The following SPSB1 variants were observed in gnomAD, a reference collection of about 807,000 sequenced individuals.
The protein encoded by SPSB1 is splA/ryanodine receptor domain and SOCS box containing 1.
In SPSB1, 8 loss-of-function variants were observed where a neutral mutation model predicts 21.2. The ratio of observed to expected loss-of-function variants is 0.38; its 90% CI spans 0.22 to 0.68. The LOEUF (loss-of-function observed/expected upper bound fraction) is 0.68. Among genes scored for constraint, SPSB1 ranks in the 30% least tolerant of loss-of-function variants. The pLI is 0.53. For synonymous variants in SPSB1, 169 were observed against 161.7 expected (o/e 1.05, Z -0.34); for missense variants, 242 against 377.8 (o/e 0.64, Z 2.98).
intron 1 of SPSB1, among the ~76,000 whole-genome samples, chr1:9,326,580 G>A (rs1639819759): frequency 6.6e-6 from 1 of 152,204 alleles, no homozygotes; most frequent in African/African-American, 2.4e-5. Context: ...AGTGGGACAT[G>A]GGGTGTGAGT....
Position 9,293,800 on chromosome 1 carries a change from C to T in SPSB1, c.-150+729C>T, listed in dbSNP as rs1639161502. 6.6e-6 allele frequency among the ~76,000 whole-genome samples: 1 copy of T among 152,170 alleles called. No individual in the cohort carries two copies. Among genetic ancestry groups the T allele is most frequent in the Non-Finnish European group, 1.5e-5 (1 of 68,024 alleles). On this transcript the variant is annotated intron_variant, in intron 1 of 2. Transcript: ENST00000328089. This position sits in a 1 kb window ranked among gnomAD's most constrained non-coding sequence, Gnocchi z 5.1. ...CCAGGTTCCGGTGAGGACGGGACGG[C>T]CCCGAGAGGAGGGTGCGGGTCTGCA...
In SPSB1 at chr1:9,319,011, A is replaced by G. The variant is rs572499242; in HGVS notation, c.-150+25940A>G. ...GGGCAACATGGCGAAACCTGTCTCTACTAAAAATACAAAAAAATTAGCCGG... is the reference window on the plus strand; with the variant it reads ...GGGCAACATGGCGAAACCTGTCTCTGCTAAAAATACAAAAAAATTAGCCGG... On this transcript the variant is annotated intron_variant, in intron 1 of 2. Transcript: ENST00000328089. 4.3e-3 allele frequency among the ~76,000 whole-genome samples: 656 copies of G among 151,612 alleles called. 3 individuals carry two copies. The highest frequency in any genetic ancestry group is 7.9e-3 in the Non-Finnish European group (538 of 67,912).
chr1:9,295,719 C>G (rs528888286), intron 1 of SPSB1, among the ~76,000 whole-genome samples: 68 of 152,346 alleles, frequency 4.5e-4, no homozygotes, highest in African/African-American at 1.5e-3. Flanking sequence ...CTGCACCTGC[C>G]CCTCCTCCTG....
At chr1:9,295,838 A>C (rs2075973) in intron 1 of SPSB1, among the ~76,000 whole-genome samples, 33,796 of 152,086 alleles carry the variant, frequency 0.22, 4,655 homozygotes, top group East Asian at 0.58. Flanking sequence ...TTCTCGAGAA[A>C]TAGGTTGTAG....
rs1200695867 is a variant in SPSB1, at chr1:9,368,090, C to T, written c.*515C>T. ...GATAAAGCTCAGGACGTCAAAAACT[C>T]ACCATGGACCCCAAGGCAGAAACCA... On this transcript the variant is annotated 3_prime_UTR_variant, in exon 3 of 3. Transcript: ENST00000328089. 1.9e-5 allele frequency: 3 copies of T among 161,024 alleles called. No homozygotes were observed. Among genetic ancestry groups the T allele is most frequent in the Admixed American group, 5.7e-5 (1 of 17,650 alleles). 10.0% of individuals were successfully genotyped at this position (161,024 alleles called of 1,614,324 possible). A position where few individuals can be genotyped will look rare whatever the true frequency, so the allele number is the denominator to read the frequency against.
intron 1 of SPSB1, among the ~76,000 whole-genome samples, chr1:9,334,941 T>G (rs1446060491): frequency 6.6e-6 from 1 of 152,228 alleles, no homozygotes; most frequent in African/African-American, 2.4e-5. Context: ...TCTTTGTTCA[T>G]CTGTCCGTGG....
At chr1:9,323,835 C>T (rs766227680) in intron 1 of SPSB1, among the ~76,000 whole-genome samples, 1 of 152,212 alleles carries the variant, frequency 6.6e-6, no homozygotes, top group Non-Finnish European at 1.5e-5. Flanking sequence ...TGCCCACGGA[C>T]GGCAGGGGCT....
chr1:9,308,578 T>C (rs1269840502), intron 1 of SPSB1, among the ~76,000 whole-genome samples: 3 of 152,202 alleles, frequency 2.0e-5, no homozygotes, highest in Non-Finnish European at 4.4e-5. Flanking sequence ...CCATCTGCTG[T>C]GAGTGTGATT....
chr1:9,298,136 T>C lies in SPSB1; in HGVS notation c.-150+5065T>C, dbSNP rs571503976. On this transcript the variant is annotated intron_variant, in intron 1 of 2. Transcript: ENST00000328089. ...GTCTGACTTGTGTGGATCTATGGCATTGGATAGTTAATCATGGTGTTCCTA... is the reference window on the plus strand; with the variant it reads ...GTCTGACTTGTGTGGATCTATGGCACTGGATAGTTAATCATGGTGTTCCTA... Among the ~76,000 whole-genome samples the C allele has an allele frequency of 2.6e-5, 4 of 152,278 alleles. No homozygotes were observed. The East Asian group carries it at 7.7e-4, about 29-fold the overall frequency.
chr1:9,354,584 G>A (rs1156349795), intron 1 of SPSB1, among the ~76,000 whole-genome samples: 2 of 152,036 alleles, frequency 1.3e-5, no homozygotes, highest in African/African-American at 4.8e-5. Flanking sequence ...AGGCCAAGCC[G>A]GGTGGATCAC....
chr1:9,320,443 C>T (rs1639700164), intron 1 of SPSB1, among the ~76,000 whole-genome samples: 1 of 152,142 alleles, frequency 6.6e-6, no homozygotes, highest in Non-Finnish European at 1.5e-5. Flanking sequence ...GCCCCATCTC[C>T]GCCATTTGAT....
intron 1 of SPSB1, among the ~76,000 whole-genome samples, chr1:9,329,705 A>C (rs915530655): frequency 2.2e-5 from 2 of 89,854 alleles, no homozygotes; most frequent in African/African-American, 1.6e-4. Flanking sequence ...AAACAACAAC[A>C]AAAAAAAAAA....
intron 1 of SPSB1, among the ~76,000 whole-genome samples, chr1:9,302,910 T>C (rs772666835): frequency 6.6e-6 from 1 of 152,064 alleles, no homozygotes; most frequent in Non-Finnish European, 1.5e-5. Flanking sequence ...GCTAGCGAAA[T>C]TGTTGCTTCC....
intron 1 of SPSB1, among the ~76,000 whole-genome samples, chr1:9,334,064 C>T (rs1639966542): frequency 6.6e-6 from 1 of 152,192 alleles, no homozygotes; most frequent in Admixed American, 6.5e-5. Flanking sequence ...GTAGCAAATA[C>T]ATATAACATA....
intron 1 of SPSB1, among the ~76,000 whole-genome samples, chr1:9,335,156 TA>T (rs148038986): frequency 0.071 from 10,804 of 152,206 alleles, 456 homozygotes; most frequent in South Asian, 0.16. Flanking sequence ...CACCATTTTG[TA>T]AAATGGTGCA....
chr1:9,356,452 T>G lies in SPSB1; in HGVS notation c.561T>G (p.Thr187=). 1 of 1,614,120 alleles carries G rather than the reference T, an allele frequency of 6.2e-7. No homozygotes were observed. Among genetic ancestry groups the G allele is most frequent in the Non-Finnish European group, 8.5e-7 (1 of 1,180,040 alleles). The change falls in exon 2 of 3, where the codon ACT becomes ACG. Residue 187 remains threonine (T), a synonymous_variant. Transcript: ENST00000328089. The surrounding 1 kb of genome is among the most constrained non-coding windows in gnomAD (Gnocchi z 7.4). The stretch of plus-strand genomic sequence containing the variant: ...TAGCCCTGGACATGGACGACGGGAC[T>G]CTGAGCTTCATTGTGGATGGACAGT... The part of the protein sequence containing the change: ...FLVALDMDDG[T]LSFIVDGQYM...
At chr1:9,295,521 C>T (rs1022066315) in intron 1 of SPSB1, among the ~76,000 whole-genome samples, 3 of 152,188 alleles carry the variant, frequency 2.0e-5, no homozygotes, top group Non-Finnish European at 4.4e-5. Flanking sequence ...GAGGCCGTTT[C>T]TTGGGCTGCT....
At chr1:9,312,460 G>A (rs1441755557) in intron 1 of SPSB1, among the ~76,000 whole-genome samples, 2 of 152,132 alleles carry the variant, frequency 1.3e-5, no homozygotes, top group Non-Finnish European at 2.9e-5. Context: ...TTCGCCTATT[G>A]TAAATGTACA....
At chr1:9,358,415 G>A (rs949973862) in intron 2 of SPSB1, among the ~76,000 whole-genome samples, 8 of 152,298 alleles carry the variant, frequency 5.3e-5, no homozygotes, top group Non-Finnish European at 7.4e-5. Flanking sequence ...TAGCCTCCCC[G>A]GGGAAGTCAC....
Sources: allele counts gnomAD v4.1 joint callset (sites outside exome capture counted in the v4.1 genomes callset), GRCh38; gene constraint gnomAD v4.1.1; non-coding constraint Gnocchi (gnomAD v3.1); transcripts MANE v1.5; gene names NCBI Gene and HGNC (gene_info 2026-07-23, HGNC 2026-07-21).